Variants in SAXO1 observed in about 807,000 individuals in gnomAD.
The protein encoded by SAXO1 is stabilizer of axonemal microtubules 1.
In SAXO1, 21 loss-of-function variants were observed where a neutral mutation model predicts 17.5. The observed-to-expected ratio is 1.20, with a 90% CI of 0.85 to 1.72. The LOEUF (loss-of-function observed/expected upper bound fraction) is 1.72, where lower values mean the gene tolerates loss of function less well. Ranked by LOEUF, SAXO1 falls within the 40% of genes most tolerant of loss-of-function variation. SAXO1 has a pLI of 0.00. For missense variants in SAXO1, 843 were observed against 596.0 expected, an observed-to-expected ratio of 1.41 and a Z score of -4.32; for synonymous variants, 274 against 216.5, an observed-to-expected ratio of 1.27 and a Z score of -2.33.
intron 1 of SAXO1, among the ~76,000 whole-genome samples, chr9:18,970,209 T>C (rs1384850748): frequency 6.6e-6 from 1 of 152,216 alleles, no homozygotes; most frequent in African/African-American, 2.4e-5. Context: ...AAATGTCTCA[T>C]AAAATTAATT....
At chr9:19,023,005 C>T (rs1835312179) in intron 1 of SAXO1, among the ~76,000 whole-genome samples, 1 of 152,064 alleles carries the variant, frequency 6.6e-6, no homozygotes, top group South Asian at 2.1e-4. Context: ...CTCACAAAGC[C>T]TAATAAATGC....
At chr9:19,022,676 A>AT (rs367560566) in intron 1 of SAXO1, among the ~76,000 whole-genome samples, 2 of 152,312 alleles carry the variant, frequency 1.3e-5, no homozygotes, top group Admixed American at 6.5e-5. Context: ...AACTTAACTG[A>AT]TTTTTTACAT....
intron 1 of SAXO1, among the ~76,000 whole-genome samples, chr9:18,992,264 C>A (rs552842794): frequency 3.4e-4 from 52 of 152,290 alleles, no homozygotes; most frequent in Non-Finnish European, 6.5e-4. Context: ...GTGTCAGTTC[C>A]TGTGAGTGCT....
At chr9:19,036,773 A>G (rs1045276364), upstream of SAXO1, among the ~76,000 whole-genome samples, 1 of 152,188 alleles carries the variant, frequency 6.6e-6, no homozygotes, top group South Asian at 2.1e-4. Flanking sequence ...GCAATGTGAA[A>G]GGGAAATGTC....
intron 3 of SAXO1, among the ~76,000 whole-genome samples, chr9:18,933,101 G>A (rs1340445245): frequency 1.3e-5 from 2 of 152,310 alleles, no homozygotes; most frequent in East Asian, 3.9e-4. Flanking sequence ...TCCTAGCCTT[G>A]TTCTCAATCT....
At chr9:19,013,362 T>C (rs928785271) in intron 1 of SAXO1, among the ~76,000 whole-genome samples, 12 of 152,234 alleles carry the variant, frequency 7.9e-5, no homozygotes, top group African/African-American at 2.6e-4. Context: ...AGAGATTAGA[T>C]TGCCCTCTTG....
intron 1 of SAXO1, among the ~76,000 whole-genome samples, chr9:19,020,056 A>G (rs993488574): frequency 1.3e-5 from 2 of 150,674 alleles, no homozygotes; most frequent in African/African-American, 2.4e-5. Flanking sequence ...CGTGGAAAGC[A>G]TCCTTCAGTT....
intron 1 of SAXO1, among the ~76,000 whole-genome samples, chr9:18,999,600 C>A (rs1175598306): frequency 2.0e-5 from 3 of 149,878 alleles, no homozygotes; most frequent in Admixed American, 2.0e-4. Flanking sequence ...AGGAGCGCCT[C>A]TGCCTGGCTG....
chr9:18,965,626 G>A (rs1832687253), intron 1 of SAXO1, among the ~76,000 whole-genome samples: 1 of 149,080 alleles, frequency 6.7e-6, no homozygotes, highest in African/African-American at 2.5e-5. Context: ...CCTTTATTTT[G>A]AGCCTATGTG....
chr9:19,011,940 G>T (rs1465386955), intron 1 of SAXO1, among the ~76,000 whole-genome samples: 1 of 149,818 alleles, frequency 6.7e-6, no homozygotes, highest in African/African-American at 2.4e-5. Flanking sequence ...CTGCCTCCCA[G>T]GTTCAAGCAA....
At chr9:18,997,364 C>G (rs1020676356) in intron 1 of SAXO1, among the ~76,000 whole-genome samples, 1 of 152,232 alleles carries the variant, frequency 6.6e-6, no homozygotes, top group African/African-American at 2.4e-5. Context: ...ATGAGATCAA[C>G]CTGGGATGCT....
intron 1 of SAXO1, among the ~76,000 whole-genome samples, chr9:19,018,743 A>C (rs576987807): frequency 1.3e-5 from 2 of 152,226 alleles, no homozygotes; most frequent in East Asian, 3.8e-4. Context: ...AGGCAGATTC[A>C]GTAGGAGCAG....
intron 1 of SAXO1, among the ~76,000 whole-genome samples, chr9:19,013,540 ATT>A (rs1219136885): frequency 0.048 from 4,435 of 92,852 alleles, 41 homozygotes; most frequent in African/African-American, 0.064. Flanking sequence ...AAAAGTACGG[ATT>A]TTTTTTTTTT....
intron 1 of SAXO1, among the ~76,000 whole-genome samples, chr9:19,031,855 G>A (rs1835789366): frequency 6.6e-6 from 1 of 152,186 alleles, no homozygotes; most frequent in East Asian, 1.9e-4. Context: ...TGATGCCAGA[G>A]ATATAGAAGG....
intron 1 of SAXO1, among the ~76,000 whole-genome samples, chr9:19,013,640 G>C (rs182401594): frequency 1.7e-3 from 229 of 135,552 alleles, no homozygotes; most frequent in African/African-American, 6.0e-3. Flanking sequence ...TCTGCCTCCC[G>C]GGTTCAAGTG....
rs1461112321 is a variant in SAXO1, at chr9:18,972,093, G to A, written c.39-21156C>T. Among the ~76,000 whole-genome samples the A allele has an allele frequency of 1.1e-4, 17 of 152,228 alleles. 1 individual carries two copies. The highest frequency in any genetic ancestry group is 2.5e-4 in the Non-Finnish European group (17 of 68,036). On this transcript the variant is annotated intron_variant, in intron 1 of 3. Transcript: ENST00000380534. Reference sequence around the variant, plus strand: ...CCCCTTGGGCTTCTGGAAGAATGCAGAGGATTTAAAGAGCATTTCTTACTG... The same window carrying A: ...CCCCTTGGGCTTCTGGAAGAATGCAAAGGATTTAAAGAGCATTTCTTACTG...
intron 1 of SAXO1, among the ~76,000 whole-genome samples, chr9:19,005,634 T>C (rs1834452103): frequency 6.6e-6 from 1 of 152,174 alleles, no homozygotes; most frequent in Non-Finnish European, 1.5e-5. Flanking sequence ...TAACTCAAAA[T>C]GGATCAAAGA....
chr9:18,973,392 G>T (rs12380170), intron 1 of SAXO1, among the ~76,000 whole-genome samples: 3,897 of 152,294 alleles, frequency 0.026, 71 homozygotes, highest in Middle Eastern at 0.068. Context: ...TTGTAGACAG[G>T]TATCACAGGA....
intron 2 of SAXO1, among the ~76,000 whole-genome samples, chr9:18,949,617 A>C (rs780960546): frequency 3.9e-5 from 6 of 152,034 alleles, no homozygotes; most frequent in Non-Finnish European, 8.8e-5. Context: ...CATTACCCAG[A>C]CTGGACTTCC....
Sources: gnomAD v4.1 joint callset for allele counts (sites outside exome capture counted in the v4.1 genomes callset) on GRCh38, gnomAD v4.1.1 for gene constraint, MANE v1.5 for transcripts, NCBI Gene and HGNC (gene_info 2026-07-23, HGNC 2026-07-21) for gene names.